Variants in LYPLAL1 observed in about 807,000 individuals in gnomAD.
LYPLAL1 encodes the protein lysophospholipase like 1, also known as lysophospholipase-like protein 1.
In LYPLAL1, 23 loss-of-function variants were observed where a neutral mutation model predicts 19.7. The observed-to-expected ratio is 1.17, with a 90% CI of 0.84 to 1.65. The LOEUF is 1.65. LYPLAL1 is among the 40% of genes most tolerant of loss of function. LYPLAL1 has a pLI of 0.00. For missense variants in LYPLAL1, 355 were observed against 279.4 expected, an observed-to-expected ratio of 1.27 and a Z score of -1.93; for synonymous variants, 119 against 96.3, an observed-to-expected ratio of 1.24 and a Z score of -1.38.
At chr1:219,262,942 T>C in the LYPLAL1 span, among the ~76,000 whole-genome samples, 1 of 152,190 alleles carries the variant, frequency 6.6e-6, no homozygotes, top group African/African-American at 2.4e-5. Flanking sequence ...TGAATTGCTG[T>C]AATGGTTTGA....
the LYPLAL1 span, among the ~76,000 whole-genome samples, chr1:219,260,773 TTCTC>T: frequency 1.3e-5 from 2 of 151,552 alleles, no homozygotes; most frequent in Non-Finnish European, 3.0e-5. Flanking sequence ...GAAAATGCCT[TTCTC>T]TGTATTTCCA....
At chr1:219,209,733 C>T (rs1301623183) in intron 3 of LYPLAL1, among the ~76,000 whole-genome samples, 1 of 152,072 alleles carries the variant, frequency 6.6e-6, no homozygotes, top group Non-Finnish European at 1.5e-5. Context: ...ACTGACTTGT[C>T]GTCAGGCCTG....
intron 2 of LYPLAL1, among the ~76,000 whole-genome samples, chr1:219,192,148 A>G (rs1174085282): frequency 6.6e-6 from 1 of 151,720 alleles, no homozygotes; most frequent in Admixed American, 6.6e-5. Context: ...GAATATTTCT[A>G]GCTCCTTGAA....
At chr1:219,257,893 A>G in the LYPLAL1 span, among the ~76,000 whole-genome samples, 1 of 152,002 alleles carries the variant, frequency 6.6e-6, no homozygotes, top group Non-Finnish European at 1.5e-5. Context: ...TCTTTATCTC[A>G]TCCACATAAG....
the LYPLAL1 span, among the ~76,000 whole-genome samples, chr1:219,376,021 G>C: frequency 2.0e-5 from 3 of 152,050 alleles, no homozygotes; most frequent in Admixed American, 6.6e-5. Context: ...GATTACAGCC[G>C]TGAGCCACTG....
chr1:219,393,418 C>T, the LYPLAL1 span, among the ~76,000 whole-genome samples: 4 of 152,146 alleles, frequency 2.6e-5, no homozygotes, highest in Non-Finnish European at 5.9e-5. Flanking sequence ...ATATGCCCTG[C>T]CCTTCATAGC....
the LYPLAL1 span, among the ~76,000 whole-genome samples, chr1:219,221,663 G>A: frequency 3.9e-5 from 6 of 152,208 alleles, no homozygotes; most frequent in East Asian, 1.2e-3. Flanking sequence ...GCACCTCCAA[G>A]TGGAGGCCAC....
chr1:219,440,435 C>T, the LYPLAL1 span, among the ~76,000 whole-genome samples: 6 of 152,082 alleles, frequency 3.9e-5, no homozygotes, highest in East Asian at 1.2e-3. Context: ...GAGCCTGGAT[C>T]TTCATGTACC....
chr1:219,217,618 C>T (rs1287420772), downstream of LYPLAL1, among the ~76,000 whole-genome samples: 2 of 152,062 alleles, frequency 1.3e-5, no homozygotes, highest in Non-Finnish European at 2.9e-5. Flanking sequence ...ATCTACTCCT[C>T]ATTCACCTTG....
the LYPLAL1 span, among the ~76,000 whole-genome samples, chr1:219,343,461 C>T: frequency 4.6e-5 from 7 of 152,230 alleles, no homozygotes; most frequent in East Asian, 1.9e-4. Context: ...AACATGTATC[C>T]TTATTGTACT....
At chr1:219,434,499 C>T in the LYPLAL1 span, among the ~76,000 whole-genome samples, 1,145 of 152,318 alleles carry the variant, frequency 7.5e-3, 17 homozygotes, top group African/African-American at 0.025. Flanking sequence ...AAGAGCTCTC[C>T]TCTGAATTTC....
the LYPLAL1 span, among the ~76,000 whole-genome samples, chr1:219,262,338 T>C: frequency 2.6e-5 from 4 of 152,192 alleles, no homozygotes; most frequent in African/African-American, 9.6e-5. Context: ...CCTTCTGAAT[T>C]CTTTATCTGA....
At chr1:219,348,012 G>A in the LYPLAL1 span, among the ~76,000 whole-genome samples, 1 of 152,190 alleles carries the variant, frequency 6.6e-6, no homozygotes, top group Non-Finnish European at 1.5e-5. Flanking sequence ...CTCATCTGAG[G>A]GCCATGTGGG....
the LYPLAL1 span, among the ~76,000 whole-genome samples, chr1:219,251,384 T>C: frequency 6.6e-6 from 1 of 152,138 alleles, no homozygotes; most frequent in Non-Finnish European, 1.5e-5. Context: ...TTGCCTAGGT[T>C]GTCTTCTAGG....
chr1:219,332,166 C>T, the LYPLAL1 span, among the ~76,000 whole-genome samples: 2 of 152,166 alleles, frequency 1.3e-5, no homozygotes, highest in Non-Finnish European at 1.5e-5. Flanking sequence ...ACCATTCAAG[C>T]AGTCAGGTTA....
chr1:219,266,072 T>C, the LYPLAL1 span, among the ~76,000 whole-genome samples: 1 of 152,134 alleles, frequency 6.6e-6, no homozygotes, highest in Non-Finnish European at 1.5e-5. Flanking sequence ...ATTAAGTTAA[T>C]TTAAATTTTT....
the LYPLAL1 span, among the ~76,000 whole-genome samples, chr1:219,233,015 A>G: frequency 1.3e-5 from 2 of 152,204 alleles, no homozygotes; most frequent in Non-Finnish European, 2.9e-5. Context: ...TTACCTTATG[A>G]TCCAGTGATT....
Position 219,210,607 on chromosome 1 carries a change from C to T in LYPLAL1, c.437C>T (p.Ala146Val), listed in dbSNP as rs1345674144. The change falls in exon 4 of 5, where the codon GCT becomes GTT. Residue 146 changes from alanine (A) to valine (V), a missense_variant. Ala to Val is a moderately conservative substitution (Grantham distance 64). Transcript: ENST00000366928. ...RNHQDVAGVFALSSFLNKASA... is the reference protein window; with the variant it reads ...RNHQDVAGVFVLSSFLNKASA... ...CATCAAGATGTGGCAGGAGTATTTG[C>T]TCTTTCTAGTTTTCTGAATAAAGCA... 1 of 1,609,940 alleles carries T rather than the reference C, an allele frequency of 6.2e-7. No individual in the cohort carries two copies. Among genetic ancestry groups the T allele is most frequent in the African/African-American group, 1.3e-5 (1 of 74,858 alleles).
At chr1:219,228,308 A>G in the LYPLAL1 span, among the ~76,000 whole-genome samples, 324 of 152,310 alleles carry the variant, frequency 2.1e-3, 2 homozygotes, top group African/African-American at 6.7e-3. Flanking sequence ...AATTGGGGAT[A>G]GAATCACCTT....
Sources: gnomAD v4.1 joint callset for allele counts (sites outside exome capture counted in the v4.1 genomes callset) on GRCh38, gnomAD v4.1.1 for gene constraint, MANE v1.5 for transcripts, NCBI Gene and HGNC (gene_info 2026-07-23, HGNC 2026-07-21) for gene names.